Variants in HS3ST5 observed in about 807,000 individuals in gnomAD.
HS3ST5 encodes the protein heparan sulfate glucosamine 3-O-sulfotransferase 5.
HS3ST5 carries 10 observed loss-of-function variants against 25.4 expected under a neutral mutation model. The observed-to-expected ratio is 0.39, with a 90% CI of 0.24 to 0.67. The LOEUF is 0.67. Ranked by LOEUF, HS3ST5 falls within the 30% of genes least tolerant of loss-of-function variation. The pLI is 0.44. For missense variants in HS3ST5, 324 were observed against 420.7 expected, an observed-to-expected ratio of 0.77 and a Z score of 2.01; for synonymous variants, 170 against 162.4, an observed-to-expected ratio of 1.05 and a Z score of -0.36.
intron 1 of HS3ST5, among the ~76,000 whole-genome samples, chr6:114,281,388 A>G (rs1440579993): frequency 6.6e-6 from 1 of 152,050 alleles, no homozygotes; most frequent in Non-Finnish European, 1.5e-5. Context: ...AGGTTGTCCT[A>G]AATGTAGTGA....
Position 114,231,872 on chromosome 6 carries a change from A to G in HS3ST5, c.-338-3094T>C, listed in dbSNP as rs1180369382. On this transcript the variant is annotated intron_variant, in intron 1 of 4. Transcript: ENST00000312719. ...GATCATGAGAGGAAAACCTGCATGAAATTAGGTGAACAACAAGGAAACAGA... is the reference window on the plus strand; with the variant it reads ...GATCATGAGAGGAAAACCTGCATGAGATTAGGTGAACAACAAGGAAACAGA... Among the ~76,000 whole-genome samples the G allele has an allele frequency of 1.3e-5, 2 of 152,112 alleles. 1 individual carries two copies. Among genetic ancestry groups the G allele is most frequent in the South Asian group, 4.2e-4 (2 of 4,814 alleles).
chr6:114,152,555 T>C, intron 3 of HS3ST5, among the ~76,000 whole-genome samples: 1 of 152,036 alleles, frequency 6.6e-6, no homozygotes, highest in East Asian at 1.9e-4. Flanking sequence ...GAAGGAGGAG[T>C]GTGAAAGCTC....
At chr6:114,120,376 C>T (rs549270884) in intron 3 of HS3ST5, among the ~76,000 whole-genome samples, 13 of 152,260 alleles carry the variant, frequency 8.5e-5, no homozygotes, top group African/African-American at 3.1e-4. Flanking sequence ...CAGTAATTGT[C>T]CAAACTATGA....
At chr6:114,264,113 T>G (rs2114677656) in intron 1 of HS3ST5, among the ~76,000 whole-genome samples, 1 of 152,314 alleles carries the variant, frequency 6.6e-6, no homozygotes, top group African/African-American at 2.4e-5. Context: ...CCTTTTAAAC[T>G]TAATATAGTA....
chr6:114,196,117 C>T (rs77027282), intron 2 of HS3ST5, among the ~76,000 whole-genome samples: 2,456 of 152,268 alleles, frequency 0.016, 22 homozygotes, highest in South Asian at 0.027. Context: ...AGAGAGCTTT[C>T]TTCTTTCACT....
chr6:114,069,815 C>A (rs1773693166), intron 3 of HS3ST5, among the ~76,000 whole-genome samples: 1 of 152,096 alleles, frequency 6.6e-6, no homozygotes, highest in African/African-American at 2.4e-5. Context: ...AGTCACCACA[C>A]CCGGCCCATG....
intron 3 of HS3ST5, among the ~76,000 whole-genome samples, chr6:114,166,078 G>C (rs1358572217): frequency 1.3e-5 from 2 of 151,360 alleles, no homozygotes; most frequent in African/African-American, 4.9e-5. Context: ...ATAAGGTTAA[G>C]TGTTCAAAAC....
rs545696743 is a variant in HS3ST5 at position 114,214,659 on chromosome 6, C to T, written c.-145+13926G>A. Among the ~76,000 whole-genome samples, 4 of 152,280 alleles carry T rather than the reference C, an allele frequency of 2.6e-5. No individual in the cohort carries two copies. In the East Asian group the frequency reaches 7.7e-4, roughly 29 times the overall value. ...TAATTAAATACTGAGTTGTATGCCA[C>T]ACAGAATTTTAGCTGTTACAAAAGG... On this transcript the variant is annotated intron_variant, in intron 2 of 4. Coordinates refer to ENST00000312719, the MANE Select transcript of HS3ST5 (RefSeq NM_153612.4).
intron 2 of HS3ST5, among the ~76,000 whole-genome samples, chr6:114,224,817 A>G (rs1782214755): frequency 6.6e-6 from 1 of 151,428 alleles, no homozygotes; most frequent in Non-Finnish European, 1.5e-5. Context: ...ACATCACCCT[A>G]ATCTCTATAT....
chr6:114,101,814 G>A (rs1157147714), intron 3 of HS3ST5, among the ~76,000 whole-genome samples: 3 of 152,088 alleles, frequency 2.0e-5, no homozygotes, highest in East Asian at 3.9e-4. Context: ...TCCCATCAAC[G>A]GTAGACTGGG....
At chr6:114,259,178 G>T (rs1373840569) in intron 1 of HS3ST5, among the ~76,000 whole-genome samples, 2 of 152,202 alleles carry the variant, frequency 1.3e-5, no homozygotes, top group East Asian at 3.9e-4. Flanking sequence ...ACATGTTATT[G>T]ACCAATTAGC....
intron 2 of HS3ST5, among the ~76,000 whole-genome samples, chr6:114,169,249 A>T (rs1241681564): frequency 6.6e-6 from 1 of 152,030 alleles, no homozygotes; most frequent in Non-Finnish European, 1.5e-5. Flanking sequence ...CTAGAAACCC[A>T]TCTTTTACTT....
At chr6:114,135,155 T>G (rs1460671049) in intron 3 of HS3ST5, among the ~76,000 whole-genome samples, 1 of 152,230 alleles carries the variant, frequency 6.6e-6, no homozygotes, top group Non-Finnish European at 1.5e-5. Flanking sequence ...TCAGAGCCAC[T>G]GCAGATACCT....
At chr6:114,152,291 T>A (rs1778489852) in intron 3 of HS3ST5, among the ~76,000 whole-genome samples, 1 of 152,188 alleles carries the variant, frequency 6.6e-6, no homozygotes. Flanking sequence ...ATTTTCTATT[T>A]TTAAAGAAAA....
chr6:114,270,610 A>G (rs1488195788), intron 1 of HS3ST5, among the ~76,000 whole-genome samples: 1 of 152,170 alleles, frequency 6.6e-6, no homozygotes, highest in African/African-American at 2.4e-5. Context: ...CAGCTCTGGA[A>G]TGGGATGCAG....
intron 1 of HS3ST5, among the ~76,000 whole-genome samples, chr6:114,249,704 G>A (rs1376204182): frequency 6.6e-6 from 1 of 152,158 alleles, no homozygotes; most frequent in Admixed American, 6.5e-5. Context: ...GGACAGCTCT[G>A]GGGAGCCAGC....
chr6:114,311,758 T>G (rs111942250), intron 1 of HS3ST5, among the ~76,000 whole-genome samples: 5,381 of 151,974 alleles, frequency 0.035, 320 homozygotes, highest in African/African-American at 0.12. Context: ...GGCTAAGCGG[T>G]TCTTGAACTC....
At chr6:114,084,222 T>C in intron 3 of HS3ST5, 1 of 1,098,172 alleles carries the variant, frequency 9.1e-7, no homozygotes, top group East Asian at 2.4e-5. Flanking sequence ...CAATGGGAGC[T>C]GCAGACCAGT....
intron 1 of HS3ST5, among the ~76,000 whole-genome samples, chr6:114,236,340 A>C (rs1390911542): frequency 1.3e-5 from 2 of 152,220 alleles, no homozygotes; most frequent in East Asian, 3.9e-4. Context: ...AATTAGGTAA[A>C]TATATCGTTA....
Sources: gnomAD v4.1 joint callset for allele counts (sites outside exome capture counted in the v4.1 genomes callset) on GRCh38, gnomAD v4.1.1 for gene constraint, MANE v1.5 for transcripts, NCBI Gene and HGNC (gene_info 2026-07-23, HGNC 2026-07-21) for gene names.